Variants in BRD1 observed in about 807,000 individuals in gnomAD.
The protein encoded by BRD1 is bromodomain containing 1.
BRD1 carries 24 observed loss-of-function variants against 107.7 expected under a neutral mutation model. That is an observed-to-expected ratio of 0.22 (90% confidence interval 0.16 to 0.31). The LOEUF is 0.31. BRD1 is among the 10% of genes least tolerant of loss of function. BRD1 has a pLI of 1.00. For synonymous variants in BRD1, 744 were observed against 686.1 expected (o/e 1.08, Z -1.32); for missense variants, 1,279 against 1,638.6 (o/e 0.78, Z 3.79).
intron 2 of BRD1, among the ~76,000 whole-genome samples, chr22:49,821,679 T>A (rs569308511): frequency 6.6e-6 from 1 of 152,250 alleles, no homozygotes; most frequent in Non-Finnish European, 1.5e-5. Flanking sequence ...CTTAGCTCAC[T>A]GCAACCTCCC....
At chr22:49,777,908 C>T in intron 8 of BRD1, 95 bp from the exon 9 acceptor site, 1 of 1,450,650 alleles carries the variant, frequency 6.9e-7, no homozygotes, top group South Asian at 1.4e-5. Flanking sequence ...TCTTACAAAG[C>T]ACGTTTCACA....
chr22:49,822,075 A>G (rs936902310), intron 2 of BRD1, among the ~76,000 whole-genome samples: 1 of 152,254 alleles, frequency 6.6e-6, no homozygotes, highest in Non-Finnish European at 1.5e-5. Context: ...AAAGTCATAC[A>G]GAGTTCCTGC....
At chr22:49,821,854 C>G (rs1029661571) in intron 2 of BRD1, among the ~76,000 whole-genome samples, 16 of 152,240 alleles carry the variant, frequency 1.1e-4, no homozygotes, top group African/African-American at 3.9e-4. Flanking sequence ...CCCAGCCAAG[C>G]TGCAAGCTCA....
chr22:49,819,453 T>C (rs1047237124), intron 2 of BRD1, among the ~76,000 whole-genome samples: 3 of 152,162 alleles, frequency 2.0e-5, no homozygotes, highest in South Asian at 2.1e-4. Context: ...CTCAAGAGGC[T>C]GAGGTGGGGG....
chr22:49,786,389 G>C (rs986794685), intron 8 of BRD1, among the ~76,000 whole-genome samples: 3 of 152,132 alleles, frequency 2.0e-5, no homozygotes, highest in Non-Finnish European at 4.4e-5. Context: ...GGAACACAGC[G>C]GCCTCCTCAA....
chr22:49,815,490 C>T (rs1569132939), intron 2 of BRD1, among the ~76,000 whole-genome samples: 1 of 151,372 alleles, frequency 6.6e-6, no homozygotes, highest in Admixed American at 6.6e-5. Flanking sequence ...TTGCAGTGAG[C>T]GTAGATCACG....
At position 49,787,900 on chromosome 22, in the gene BRD1, T is replaced by C; in HGVS notation, c.2360-13A>G. ...GGAGATTTATCTCCTGAAAAAATTA[T>C]AAATAAAGTGATTTTTGAAAACTGA... On this transcript the variant is annotated splice_polypyrimidine_tract_variant and intron_variant, in intron 7 of 12. Transcript: ENST00000404760. 1 of 1,489,800 alleles carries C rather than the reference T, an allele frequency of 6.7e-7. No homozygotes were observed. Among genetic ancestry groups the C allele is most frequent in the Non-Finnish European group, 8.9e-7 (1 of 1,118,088 alleles). 92.3% of individuals were successfully genotyped at this position (1,489,800 alleles called of 1,614,324 possible). A position where few individuals can be genotyped will look rare whatever the true frequency, so the allele number is the denominator to read the frequency against.
At position 49,798,521 on chromosome 22, in the gene BRD1, A is replaced by C. The variant is rs759118345; in HGVS notation, c.1785+37T>G. On this transcript the variant is annotated intron_variant, in intron 5 of 12. Transcript: ENST00000404760. ...AACGGCAGCACAAATCCACAGTCAC[A>C]CATGCGGCAGGACAGACGAGCGCCG... The C allele has an allele frequency of 9.9e-6, 16 of 1,614,086 alleles. No homozygotes were observed. The South Asian group carries it at 1.8e-4, about 18-fold the overall frequency.
chr22:49,787,299 A>AACCCCCCC (rs2059344927), intron 8 of BRD1, 91 bp downstream of exon 8: 62 of 546,664 alleles, frequency 1.1e-4, no homozygotes, highest in Admixed American at 7.8e-4. Flanking sequence ...GAAGCTGGAC[A>AACCCCCCC]CCCCCCCCCC....
At chr22:49,793,890 G>A in intron 7 of BRD1, 144 bp downstream of exon 7, 1 of 1,136,200 alleles carries the variant, frequency 8.8e-7, no homozygotes, top group African/African-American at 1.6e-5. Flanking sequence ...AGTGTTCCGG[G>A]ATTTGTGAAT....
At position 49,824,880 on chromosome 22, in the gene BRD1, C is replaced by T; in HGVS notation, c.-14-549G>A. 1 of 955,994 alleles carries T rather than the reference C, an allele frequency of 1.0e-6. No homozygotes were observed. Among genetic ancestry groups the T allele is most frequent in the Non-Finnish European group, 1.3e-6 (1 of 797,134 alleles). The allele number at this position is 955,994 out of a possible 1,614,324, so 59.2% of individuals were successfully genotyped here. A position where few individuals can be genotyped will look rare whatever the true frequency, so the allele number is the denominator to read the frequency against. The stretch of plus-strand genomic sequence containing the variant: ...CCATGAGCCCAGAGTCACCACAGTC[C>T]TTGCAGCATTCCTGCTGGGGCCAGG... On this transcript the variant is annotated intron_variant, in intron 1 of 12. Transcript: ENST00000404760. The surrounding 1 kb of genome is among the most constrained non-coding windows in gnomAD (Gnocchi z 5.9).
In BRD1 at chr22:49,787,307, C is replaced by G. The variant is rs536476651; in HGVS notation, c.2857+83G>C. On this transcript the variant is annotated intron_variant, in intron 8 of 12. Transcript: ENST00000404760. ...AAAAACAGAAGCTGGACACCCCCCC[C>G]CCCCCGTCACACCAATGATCCTGAA... is the stretch of plus-strand genomic sequence containing the variant. 3.6e-4 allele frequency: 380 copies of G among 1,042,180 alleles called. 53 individuals are homozygous for G. The highest frequency in any genetic ancestry group is 2.9e-3 in the African/African-American group (175 of 59,780). 64.6% of individuals were successfully genotyped at this position (1,042,180 alleles called of 1,614,324 possible).
chr22:49,785,754 A>G (rs1029773653), intron 8 of BRD1, among the ~76,000 whole-genome samples: 17 of 152,278 alleles, frequency 1.1e-4, no homozygotes, highest in African/African-American at 4.1e-4. Flanking sequence ...CTACACATTC[A>G]GTTACGTGCA....
Position 49,794,018 on chromosome 22 carries a change from C to T in BRD1, c.2359+16G>A, listed in dbSNP as rs766721975. 4 of 1,605,502 alleles carry T rather than the reference C, an allele frequency of 2.5e-6. No individual in the cohort carries two copies. Among genetic ancestry groups the T allele is most frequent in the Non-Finnish European group, 3.4e-6 (4 of 1,175,968 alleles). On this transcript the variant is annotated intron_variant, in intron 7 of 12. Transcript: ENST00000404760. ...CGTGACGGCAAGAAAGCGGGGCAGCCCTCACCGTGGCTTACCTTCCTCGCC... is the reference window on the plus strand; with the variant it reads ...CGTGACGGCAAGAAAGCGGGGCAGCTCTCACCGTGGCTTACCTTCCTCGCC...
Position 49,791,321 on chromosome 22 carries a change from T to G in BRD1, c.2359+2713A>C, listed in dbSNP as rs1331242573. Among the ~76,000 whole-genome samples, 9 of 152,298 alleles carry G rather than the reference T, an allele frequency of 5.9e-5. No individual in the cohort carries two copies. The East Asian group carries it at 1.7e-3, about 29-fold the overall frequency. On this transcript the variant is annotated intron_variant, in intron 7 of 12. Coordinates refer to ENST00000404760, the MANE Select transcript of BRD1 (RefSeq NM_001304808.3). Reference sequence around the variant, plus strand: ...GGCCAACAGTGCAGCCCAGGAGGCATCTCCTTCCTTCAGACACTAAAGTCT... The same window carrying G: ...GGCCAACAGTGCAGCCCAGGAGGCAGCTCCTTCCTTCAGACACTAAAGTCT...
At chr22:49,811,080 C>A (rs1372347147) in intron 2 of BRD1, among the ~76,000 whole-genome samples, 1 of 152,134 alleles carries the variant, frequency 6.6e-6, no homozygotes, top group East Asian at 1.9e-4. Context: ...AGGAATGGCA[C>A]ACCGACCCAG....
Position 49,792,980 on chromosome 22 carries a change from C to T in BRD1, c.2359+1054G>A, listed in dbSNP as rs575933050. Among the ~76,000 whole-genome samples, 4 of 152,274 alleles carry T rather than the reference C, an allele frequency of 2.6e-5. No homozygotes were observed. Among genetic ancestry groups the T allele is most frequent in the East Asian group, 3.9e-4 (2 of 5,180 alleles). Reference sequence around the variant, plus strand: ...AGCACAGACGTCCATAAGAGATGAACGTCTTTGTTTTAAAAGAAAATTGTA... The same window carrying T: ...AGCACAGACGTCCATAAGAGATGAATGTCTTTGTTTTAAAAGAAAATTGTA... On this transcript the variant is annotated intron_variant, in intron 7 of 12. Transcript: ENST00000404760. This position sits in a 1 kb window ranked among gnomAD's most constrained non-coding sequence, Gnocchi z 4.2.
chr22:49,782,732 C>T (rs1050614759), intron 8 of BRD1, among the ~76,000 whole-genome samples: 1 of 131,752 alleles, frequency 7.6e-6, no homozygotes, highest in African/African-American at 2.9e-5. Context: ...ACAAGACTTG[C>T]TCTGTGACAA....
chr22:49,823,652 G>C lies in BRD1; in HGVS notation c.666C>G (p.Asp222Glu). ...DEDAVCCICM[D>E]GECQNSNVIL... ...TCACGTTGCTGTTCTGACACTCCCC[G>C]TCCATGCAGATGCAGCACACGGCGT... Residue 222 changes from aspartate (D) to glutamate (E), a missense_variant, in exon 2 of 13, where the codon GAC (aspartate) becomes GAG (glutamate). Asp to Glu is a conservative substitution (Grantham distance 45). Around this residue, in one of 7 missense-constraint regions of BRD1, gnomAD observed 158 missense variants for 310.2 expected, o/e 0.51. Coordinates refer to ENST00000404760, the MANE Select transcript of BRD1 (RefSeq NM_001304808.3). 6.2e-7 allele frequency: 1 copy of C among 1,612,870 alleles called. No individual in the cohort carries two copies. Among genetic ancestry groups the C allele is most frequent in the Non-Finnish European group, 8.5e-7 (1 of 1,179,824 alleles).
Sources: gnomAD v4.1 joint callset for allele counts (sites outside exome capture counted in the v4.1 genomes callset) on GRCh38, gnomAD v4.1.1 for gene constraint, gnomAD v4.1.1 regional missense constraint, Gnocchi (gnomAD v3.1) non-coding constraint, MANE v1.5 for transcripts, NCBI Gene and HGNC (gene_info 2026-07-23, HGNC 2026-07-21) for gene names.